Variants in QKI observed in about 807,000 individuals in gnomAD.
QKI encodes the protein KH domain-containing RNA-binding protein QKI.
QKI carries 10 observed loss-of-function variants against 39.0 expected under a neutral mutation model. The ratio of observed to expected loss-of-function variants is 0.26; its 90% CI spans 0.16 to 0.43. The LOEUF (loss-of-function observed/expected upper bound fraction) is 0.43. QKI is among the 20% of genes least tolerant of loss of function. The pLI, the probability that QKI is intolerant of heterozygous loss-of-function variation, is 1.00. For missense variants in QKI, 218 were observed against 428.0 expected, an observed-to-expected ratio of 0.51 and a Z score of 4.33; for synonymous variants, 204 against 155.4, an observed-to-expected ratio of 1.31 and a Z score of -2.33.
chr6:163,431,710 G>A (rs1014181452), intron 1 of QKI, among the ~76,000 whole-genome samples: 14 of 150,624 alleles, frequency 9.3e-5, no homozygotes, highest in Non-Finnish European at 1.9e-4. Flanking sequence ...ATATCATAAA[G>A]TTTTGGTGAC....
chr6:163,486,379 A>G (rs1387800942), intron 3 of QKI, among the ~76,000 whole-genome samples: 1 of 152,214 alleles, frequency 6.6e-6, no homozygotes, highest in African/African-American at 2.4e-5. Context: ...CTCCTTGAAG[A>G]ACTACAGTGT....
intron 3 of QKI, among the ~76,000 whole-genome samples, chr6:163,483,565 C>G (rs1793245313): frequency 6.6e-6 from 1 of 152,190 alleles, no homozygotes; most frequent in African/African-American, 2.4e-5. Context: ...AAATCACTTT[C>G]TCTGCTCATC....
intron 3 of QKI, among the ~76,000 whole-genome samples, chr6:163,510,474 T>C (rs1779379451): frequency 6.6e-6 from 1 of 151,192 alleles, no homozygotes; most frequent in South Asian, 2.1e-4. Flanking sequence ...GGCAGGAGAA[T>C]TGCTTCAACT....
intron 3 of QKI, among the ~76,000 whole-genome samples, chr6:163,501,539 G>A (rs1778765267): frequency 6.6e-6 from 1 of 152,172 alleles, no homozygotes; most frequent in South Asian, 2.1e-4. Flanking sequence ...CCCGTTCCAT[G>A]CAAGCTAGCC....
intron 6 of QKI, chr6:163,566,216 T>C: frequency 2.3e-6 from 3 of 1,299,648 alleles, no homozygotes; most frequent in Non-Finnish European, 2.0e-6. Context: ...TACTGTTTGC[T>C]TTACTAATCA....
rs1308281845 is a variant in QKI, at chr6:163,414,837, G to A, written c.-357G>A. ...AGCGGGCTCGACCAGCCGAGCGAGCGGCGGCCCCGGCTCCTCCTCGTCCGG... is the reference window on the plus strand; with the variant it reads ...AGCGGGCTCGACCAGCCGAGCGAGCAGCGGCCCCGGCTCCTCCTCGTCCGG... On this transcript the variant is annotated 5_prime_UTR_variant, in exon 1 of 8. Coordinates refer to ENST00000361752, the MANE Select transcript of QKI (RefSeq NM_006775.3). 6.9e-6 allele frequency: 1 copy of A among 143,990 alleles called. No individual in the cohort carries two copies. Among genetic ancestry groups the A allele is most frequent in the Non-Finnish European group, 1.5e-5 (1 of 65,162 alleles). The allele number at this position is 143,990 out of a possible 1,614,324, so 8.9% of individuals were successfully genotyped here.
chr6:163,442,042 A>G (rs1562437314), intron 1 of QKI, among the ~76,000 whole-genome samples: 1 of 152,180 alleles, frequency 6.6e-6, no homozygotes, highest in African/African-American at 2.4e-5. Flanking sequence ...ATAAGATGTT[A>G]TTTGCCATTT....
intron 3 of QKI, among the ~76,000 whole-genome samples, chr6:163,488,317 A>C (rs994719591): frequency 2.6e-5 from 4 of 152,082 alleles, no homozygotes; most frequent in African/African-American, 9.7e-5. Flanking sequence ...AAGCTTTGTT[A>C]ACAAAAAGTG....
intron 4 of QKI, among the ~76,000 whole-genome samples, chr6:163,556,544 C>T (rs1782634843): frequency 6.7e-6 from 1 of 148,192 alleles, no homozygotes; most frequent in Admixed American, 6.7e-5. Context: ...ACAGAAAAGG[C>T]ATAGTTGATG....
At chr6:163,526,983 T>C (rs912725969) in intron 3 of QKI, among the ~76,000 whole-genome samples, 31 of 152,222 alleles carry the variant, frequency 2.0e-4, no homozygotes, top group Non-Finnish European at 3.8e-4. Flanking sequence ...CTGTTGTTTT[T>C]AACTTGGAAA....
intron 2 of QKI, among the ~76,000 whole-genome samples, chr6:163,476,420 T>G (rs911506158): frequency 6.6e-6 from 1 of 152,102 alleles, no homozygotes; most frequent in African/African-American, 2.4e-5. Context: ...ATTGTTTAAG[T>G]GTGAAACAAT....
intron 1 of QKI, among the ~76,000 whole-genome samples, chr6:163,448,475 C>T (rs554881212): frequency 3.9e-5 from 6 of 151,914 alleles, no homozygotes; most frequent in Non-Finnish European, 7.4e-5. Context: ...CGCCTGTAAT[C>T]CCAGCACTTT....
At chr6:163,433,767 TA>T (rs553590773) in intron 1 of QKI, among the ~76,000 whole-genome samples, 25 of 146,606 alleles carry the variant, frequency 1.7e-4, no homozygotes, top group Middle Eastern at 3.5e-3. Flanking sequence ...ACTCCTCTCA[TA>T]AAAAAAAAAG....
At chr6:163,466,874 A>G (rs544937298) in intron 2 of QKI, among the ~76,000 whole-genome samples, 1 of 152,294 alleles carries the variant, frequency 6.6e-6, no homozygotes, top group South Asian at 2.1e-4. Flanking sequence ...AAAAATAAAC[A>G]GGACTACATC....
intron 1 of QKI, among the ~76,000 whole-genome samples, chr6:163,422,202 G>A (rs758410385): frequency 4.6e-5 from 7 of 152,138 alleles, no homozygotes; most frequent in South Asian, 4.1e-4. Context: ...TAATGTTTTC[G>A]TCTTCAGTTT....
At chr6:163,564,479 G>C (rs1783231170) in intron 6 of QKI, 1 of 1,423,788 alleles carries the variant, frequency 7.0e-7, no homozygotes, top group African/African-American at 1.4e-5. Flanking sequence ...TGGAGTCCTA[G>C]TCATATTAAA....
intron 4 of QKI, among the ~76,000 whole-genome samples, chr6:163,541,175 TATC>T (rs1239911119): frequency 6.6e-6 from 1 of 152,100 alleles, no homozygotes; most frequent in Non-Finnish European, 1.5e-5. Context: ...GCGTTTTTAT[TATC>T]ATTCAGTGCA....
intron 3 of QKI, among the ~76,000 whole-genome samples, chr6:163,512,633 A>G (rs1779555658): frequency 6.6e-6 from 1 of 152,134 alleles, no homozygotes; most frequent in Non-Finnish European, 1.5e-5. Context: ...CACAAGTAGC[A>G]TACTTCATTT....
chr6:163,437,226 C>T (rs954053636), intron 1 of QKI, among the ~76,000 whole-genome samples: 7 of 152,036 alleles, frequency 4.6e-5, no homozygotes, highest in East Asian at 1.9e-4. Context: ...TGCAATTTAA[C>T]GTGTAACACG....
Sources: gnomAD v4.1 joint callset for allele counts (sites outside exome capture counted in the v4.1 genomes callset) on GRCh38, gnomAD v4.1.1 for gene constraint, MANE v1.5 for transcripts, NCBI Gene and HGNC (gene_info 2026-07-23, HGNC 2026-07-21) for gene names.